Variants in TBC1D14 observed in about 807,000 individuals in gnomAD.
TBC1D14 encodes the protein TBC1 domain family, member 14.
In TBC1D14, 26 loss-of-function variants were observed where a neutral mutation model predicts 79.0. The observed-to-expected ratio is 0.33, with a 90% CI of 0.24 to 0.46. The LOEUF (loss-of-function observed/expected upper bound fraction) is 0.46. Among genes scored for constraint, TBC1D14 ranks in the 20% least tolerant of loss-of-function variants. TBC1D14 has a pLI of 1.00. For synonymous variants in TBC1D14, 394 were observed against 349.9 expected (o/e 1.13, Z -1.40); for missense variants, 769 against 887.6 (o/e 0.87, Z 1.70).
intron 7 of TBC1D14, among the ~76,000 whole-genome samples, chr4:7,002,768 G>A (rs10937776): frequency 0.72 from 109,248 of 151,730 alleles, 39,941 homozygotes; most frequent in East Asian, 0.97. Context: ...GCTTAATCTC[G>A]ATTTTACTAC....
chr4:6,961,580 C>T (rs1328062426), intron 2 of TBC1D14, among the ~76,000 whole-genome samples: 1 of 152,136 alleles, frequency 6.6e-6, no homozygotes, highest in African/African-American at 2.4e-5. Flanking sequence ...GCAGAGGGAG[C>T]AGCCTGTGTG....
At position 7,030,331 on chromosome 4, in the gene TBC1D14, T is replaced by G. The variant is rs779243714; in HGVS notation, c.2021T>G (p.Leu674Arg). 1 of 1,613,930 alleles carries G rather than the reference T, an allele frequency of 6.2e-7. No homozygotes were observed. Among genetic ancestry groups the G allele is most frequent in the South Asian group, 1.1e-5 (1 of 91,076 alleles). Residue 674 changes from leucine to arginine, a missense_variant, in exon 14 of 14, where the codon CTG becomes CGG. Transcript: ENST00000409757. Reference sequence around the variant, plus strand: ...TGTCTTCCCTGTGACTTCTAGGTACTGACTGCATTGCAGAAAGACAGCCGG... The same window carrying G: ...TGTCTTCCCTGTGACTTCTAGGTACGGACTGCATTGCAGAAAGACAGCCGG... ...QSRNKKWAQV[L>R]TALQKDSREM...
At chr4:6,985,487 G>A (rs1379178787) in intron 3 of TBC1D14, among the ~76,000 whole-genome samples, 1 of 152,184 alleles carries the variant, frequency 6.6e-6, no homozygotes, top group African/African-American at 2.4e-5. Flanking sequence ...AGCATTTGAG[G>A]AATTAGGGGT....
chr4:7,026,294 T>G (rs986097966), intron 13 of TBC1D14, among the ~76,000 whole-genome samples: 3 of 152,168 alleles, frequency 2.0e-5, no homozygotes, highest in Admixed American at 1.3e-4. Context: ...ACCTCTCCCC[T>G]TCCCACCATA....
rs1723024756 is a variant in TBC1D14, at chr4:7,031,372, CCT to C, written c.*982_*983del. 2 of 152,348 alleles carry C rather than the reference CCT, an allele frequency of 1.3e-5. No individual in the cohort carries two copies. Among genetic ancestry groups the C allele is most frequent in the South Asian group, 4.1e-4 (2 of 4,834 alleles). 9.4% of individuals were successfully genotyped at this position (152,348 alleles called of 1,614,324 possible). ...GACCCATCCTAAGTGCCAGTGAGTC[CCT>C]CACACATTTGACTTTAGAACGTGTG... On this transcript the variant is annotated 3_prime_UTR_variant, in exon 14 of 14. Transcript: ENST00000409757.
At chr4:7,016,229 G>A (rs899569303) in intron 12 of TBC1D14, among the ~76,000 whole-genome samples, 2 of 152,222 alleles carry the variant, frequency 1.3e-5, no homozygotes, top group African/African-American at 4.8e-5. Context: ...CAAGGCGCTG[G>A]TGACAGGACA....
intron 2 of TBC1D14, among the ~76,000 whole-genome samples, chr4:6,940,293 A>C (rs1712780157): frequency 6.6e-6 from 1 of 152,206 alleles, no homozygotes; most frequent in South Asian, 2.1e-4. Context: ...TCTGTTGTTC[A>C]GCCCTGGTCT....
At chr4:6,911,972 A>G (rs79578177) in intron 1 of TBC1D14, among the ~76,000 whole-genome samples, 12,052 of 152,126 alleles carry the variant, frequency 0.079, 528 homozygotes, top group African/African-American at 0.094. Context: ...TTTTTTAGAG[A>G]TGGGGTCATG....
intron 3 of TBC1D14, among the ~76,000 whole-genome samples, chr4:6,984,971 AAGAC>A (rs1717691885): frequency 6.6e-6 from 1 of 152,170 alleles, no homozygotes; most frequent in Non-Finnish European, 1.5e-5. Flanking sequence ...GCTTCCCAGA[AAGAC>A]CGAGAGAAAA....
chr4:6,937,971 C>T (rs1048329112), intron 2 of TBC1D14, among the ~76,000 whole-genome samples: 2 of 152,056 alleles, frequency 1.3e-5, no homozygotes, highest in South Asian at 2.1e-4. Context: ...CTGATTGAGC[C>T]GCATCTGGTG....
chr4:6,991,323 A>T (rs898054548), intron 3 of TBC1D14, among the ~76,000 whole-genome samples: 3 of 152,168 alleles, frequency 2.0e-5, no homozygotes, highest in Admixed American at 6.5e-5. Flanking sequence ...GGCTTGCATG[A>T]ATTCTGTGAT....
intron 3 of TBC1D14, among the ~76,000 whole-genome samples, chr4:6,979,431 G>C (rs189056170): frequency 6.6e-6 from 1 of 152,254 alleles, no homozygotes; most frequent in East Asian, 1.9e-4. Context: ...TTCCAGACCA[G>C]CCTGATAAGC....
At chr4:7,009,777 A>G in intron 9 of TBC1D14, 100 bp from the exon 10 acceptor site, 2 of 1,169,612 alleles carry the variant, frequency 1.7e-6, no homozygotes, top group South Asian at 2.5e-5. Context: ...AATGCTGAAA[A>G]TAGCAGGAGT....
intron 2 of TBC1D14, chr4:6,954,140 C>T: frequency 1.6e-6 from 1 of 613,948 alleles, no homozygotes; most frequent in South Asian, 1.9e-5. Context: ...CGCCGGCCTG[C>T]TGGGTCCAGC....
rs1343255754 is a variant in TBC1D14 at position 6,967,410 on chromosome 4, A to G, written c.829A>G (p.Lys277Glu). 6 of 1,613,738 alleles carry G rather than the reference A, an allele frequency of 3.7e-6. No homozygotes were observed. Among genetic ancestry groups the G allele is most frequent in the Non-Finnish European group, 5.1e-6 (6 of 1,179,970 alleles). ...PLRENAQKDS[K>E]RIQKEYEDKA... The stretch of plus-strand genomic sequence containing the variant: ...CCGAGAGAATGCCCAGAAGGATTCA[A>G]AGAGAATACAGAAGGTACACAAGAT... The change falls in exon 3 of 14, where the codon AAG becomes GAG. Residue 277 changes from lysine (K) to glutamate (E), a missense_variant. This residue lies in a region of TBC1D14 where 402 missense variants were observed against 393.2 expected (regional missense o/e 1.02). Coordinates refer to ENST00000409757, the MANE Select transcript of TBC1D14 (RefSeq NM_020773.3).
chr4:7,021,643 T>A (rs376831273), intron 12 of TBC1D14, among the ~76,000 whole-genome samples: 1 of 134,366 alleles, frequency 7.4e-6, no homozygotes, highest in Non-Finnish European at 1.6e-5. Context: ...TTAGTTGAAG[T>A]TGTACTTGAA....
chr4:7,030,177 C>T (rs1722900587), intron 13 of TBC1D14, 150 bp from the exon 14 acceptor site: 5 of 664,626 alleles, frequency 7.5e-6, no homozygotes, highest in East Asian at 2.7e-5. Context: ...CCACGAAGGA[C>T]GTAGGAGTGG....
Position 6,924,040 on chromosome 4 carries a change from G to A in TBC1D14, c.651G>A (p.Gln217=), listed in dbSNP as rs547443538. Residue 217 remains glutamine, a synonymous_variant, in exon 2 of 14, where the codon CAG becomes CAA. Coordinates refer to ENST00000409757, the MANE Select transcript of TBC1D14 (RefSeq NM_020773.3). ...SIKETRGLHQ[Q]DCVHEAEEGS... ...AGGAAACCCGTGGCTTACACCAGCAGGACTGTGTTCATGAAGCTGAGGAGG... is the reference window on the plus strand; with the variant it reads ...AGGAAACCCGTGGCTTACACCAGCAAGACTGTGTTCATGAAGCTGAGGAGG... 6.2e-7 allele frequency: 1 copy of A among 1,614,100 alleles called. No individual in the cohort carries two copies. Among genetic ancestry groups the A allele is most frequent in the South Asian group, 1.1e-5 (1 of 91,084 alleles).
Position 7,025,118 on chromosome 4 carries a change from G to C in TBC1D14, c.1872G>C (p.Lys624Asn). The C allele has an allele frequency of 6.2e-7, 1 of 1,614,222 alleles. No individual in the cohort carries two copies. The highest frequency in any genetic ancestry group is 8.5e-7 in the Non-Finnish European group (1 of 1,180,032). Residue 624 changes from lysine (K) to asparagine (N), a missense_variant, in exon 13 of 14, where the codon AAG becomes AAC. Physicochemically the swap from Lys to Asn is moderately conservative, Grantham distance 94. This residue lies in a region of TBC1D14 where 367 missense variants were observed against 494.4 expected (regional missense o/e 0.74). Transcript: ENST00000409757. ...TCCGCACGGCCCTGGGCATCCTGAA[G>C]CTGTTCGAGGACATCCTGACCAAGA... ...FLFRTALGIL[K>N]LFEDILTKMD...
Sources: allele counts gnomAD v4.1 joint callset (sites outside exome capture counted in the v4.1 genomes callset), GRCh38; gene constraint gnomAD v4.1.1; regional missense constraint gnomAD v4.1.1; transcripts MANE v1.5; gene names NCBI Gene and HGNC (gene_info 2026-07-23, HGNC 2026-07-21).